The following SASH1 variants were observed in gnomAD, a reference collection of about 807,000 sequenced individuals.
SASH1 encodes SAM and SH3 domain containing 1.
SASH1 carries 44 observed loss-of-function variants against 125.2 expected under a neutral mutation model. The observed-to-expected ratio is 0.35, with a 90% CI of 0.28 to 0.45. The LOEUF (loss-of-function observed/expected upper bound fraction) is 0.45, where lower values mean the gene tolerates loss of function less well. Ranked by LOEUF, SASH1 falls within the 20% of genes least tolerant of loss-of-function variation. SASH1 has a pLI of 1.00. For synonymous variants in SASH1, 639 were observed against 649.1 expected (o/e 0.98, Z 0.24); for missense variants, 1,426 against 1,614.5 (o/e 0.88, Z 2.00).
chr6:148,516,490 G>GCCCCCCCC (rs1780445168), intron 9 of SASH1, among the ~76,000 whole-genome samples: 1 of 114,272 alleles, frequency 8.8e-6, no homozygotes, highest in African/African-American at 3.1e-5. Context: ...GCCAGTAGGC[G>GCCCCCCCC]CCCCCTCCCC....
chr6:148,237,347 A>G, the SASH1 span, among the ~76,000 whole-genome samples: 10,307 of 152,244 alleles, frequency 0.068, 392 homozygotes, highest in Non-Finnish European at 0.088. Context: ...GTTCCAGCAT[A>G]TATTTCATGC....
intron 4 of SASH1, among the ~76,000 whole-genome samples, chr6:148,459,009 C>T (rs1015523998): frequency 1.3e-5 from 2 of 151,116 alleles, no homozygotes; most frequent in Admixed American, 6.6e-5. Flanking sequence ...CACACACACA[C>T]ACACACACAC....
rs1782406399 is a variant in SASH1 at position 148,544,223 on chromosome 6, C to T, written c.2753C>T (p.Ser918Phe). ...TKKLEGSIAA[S>F]GRGLSPPQCL... ...AAACTGGAGGGCTCAATCGCAGCCT[C>T]TGGTCGCGGCCTGTCACCCCCTCAG... The change falls in exon 18 of 20, where the codon TCT (serine) becomes TTT (phenylalanine). Residue 918 changes from serine to phenylalanine, a missense_variant. Coordinates refer to ENST00000367467, the MANE Select transcript of SASH1 (RefSeq NM_015278.5). The surrounding 1 kb of genome is among the most constrained non-coding windows in gnomAD (Gnocchi z 6.4). 6.2e-7 allele frequency: 1 copy of T among 1,614,086 alleles called. No individual in the cohort carries two copies. Among genetic ancestry groups the T allele is most frequent in the African/African-American group, 1.3e-5 (1 of 74,932 alleles).
Position 148,471,402 on chromosome 6 carries a change from T to G in SASH1, c.428-15T>G. 1 of 1,309,794 alleles carries G rather than the reference T, an allele frequency of 7.6e-7. No homozygotes were observed. Among genetic ancestry groups the G allele is most frequent in the Non-Finnish European group, 1.0e-6 (1 of 969,338 alleles). The allele number at this position is 1,309,794 out of a possible 1,614,324, so 81.1% of individuals were successfully genotyped here. A position where few individuals can be genotyped will look rare whatever the true frequency, so the allele number is the denominator to read the frequency against. The stretch of plus-strand genomic sequence containing the variant: ...CTTTTTGTTCTTTTTTTTTTTTTTT[T>G]TTTTTTTTTTTAAGGAAAAGGAGAC... On this transcript the variant is annotated splice_polypyrimidine_tract_variant and intron_variant, in intron 5 of 19. Coordinates refer to ENST00000367467, the MANE Select transcript of SASH1 (RefSeq NM_015278.5).
At chr6:148,218,405 C>T in the SASH1 span, among the ~76,000 whole-genome samples, 5 of 152,118 alleles carry the variant, frequency 3.3e-5, no homozygotes, top group Non-Finnish European at 7.3e-5. Flanking sequence ...AGTTATTTTA[C>T]GCTTCAGTAA....
At position 148,531,592 on chromosome 6, in the gene SASH1, A is replaced by G; in HGVS notation, c.1495A>G (p.Lys499Glu). The G allele has an allele frequency of 6.3e-7, 1 of 1,580,422 alleles. No individual in the cohort carries two copies. The highest frequency in any genetic ancestry group is 8.6e-7 in the Non-Finnish European group (1 of 1,162,846). The change falls in exon 13 of 20, where the codon AAG becomes GAG. Residue 499 changes from lysine (K) to glutamate (E), a missense_variant. This residue lies in a region of SASH1 where 225 missense variants were observed against 344.5 expected (regional missense o/e 0.65). Coordinates refer to ENST00000367467, the MANE Select transcript of SASH1 (RefSeq NM_015278.5). ...ACAGCCCGACCCCGAACACTTGGAC[A>G]AGCCCAAGCTCAAGGCCGGGGGTTC... is the stretch of plus-strand genomic sequence containing the variant. ...PSQPDPEHLD[K>E]PKLKAGGSVE...
intron 1 of SASH1, among the ~76,000 whole-genome samples, chr6:148,303,341 T>C (rs1047698382): frequency 2.0e-5 from 3 of 152,106 alleles, no homozygotes; most frequent in Non-Finnish European, 4.4e-5. Context: ...CATATTCATC[T>C]CAAGCACAAA....
At chr6:148,476,247 TA>T (rs1266056221) in intron 7 of SASH1, among the ~76,000 whole-genome samples, 1 of 26,158 alleles carries the variant, frequency 3.8e-5, no homozygotes, top group African/African-American at 1.9e-4. Flanking sequence ...ATGAAAACAA[TA>T]AAACATTGAT....
intron 16 of SASH1, among the ~76,000 whole-genome samples, chr6:148,537,833 G>GTGTGTGTGTGTGT (rs1781957281): frequency 9.9e-6 from 1 of 100,758 alleles, no homozygotes; most frequent in East Asian, 3.2e-4. Context: ...TGTGTGTGTG[G>GTGTGTGTGTGTGT]TTGGTGAGGC....
chr6:148,279,263 T>A (rs1779272444), intron 1 of SASH1, among the ~76,000 whole-genome samples: 2 of 152,210 alleles, frequency 1.3e-5, no homozygotes, highest in Non-Finnish European at 1.5e-5. Context: ...AGTGCTAGGA[T>A]TACAGACATG....
intron 1 of SASH1, among the ~76,000 whole-genome samples, chr6:148,309,424 G>A (rs1400617907): frequency 6.6e-6 from 1 of 152,110 alleles, no homozygotes; most frequent in Non-Finnish European, 1.5e-5. Context: ...TCAGAATCAA[G>A]ACCTCAGTTA....
chr6:148,193,700 A>G, the SASH1 span, among the ~76,000 whole-genome samples: 1 of 152,244 alleles, frequency 6.6e-6, no homozygotes, highest in South Asian at 2.1e-4. Flanking sequence ...ATAAAATAAG[A>G]TGAAAGGGGA....
intron 4 of SASH1, among the ~76,000 whole-genome samples, chr6:148,457,986 T>C (rs9390570): frequency 0.16 from 23,725 of 152,210 alleles, 2,519 homozygotes; most frequent in East Asian, 0.52. Flanking sequence ...CTCACCCCTG[T>C]TGGCGACACA....
intron 17 of SASH1, 90 bp downstream of exon 17, chr6:148,540,646 C>A: frequency 2.1e-6 from 2 of 939,402 alleles, no homozygotes; most frequent in South Asian, 1.4e-5. Context: ...CTATTCCTGT[C>A]ATGAACTCAG....
At chr6:148,424,245 G>C (rs78345960) in intron 2 of SASH1, among the ~76,000 whole-genome samples, 1 of 140,572 alleles carries the variant, frequency 7.1e-6, no homozygotes, top group Non-Finnish European at 1.5e-5. Flanking sequence ...TTTTTTTTTT[G>C]GGGGGGGGAG....
At chr6:148,523,248 C>A (rs933334217) in intron 10 of SASH1, among the ~76,000 whole-genome samples, 2 of 152,152 alleles carry the variant, frequency 1.3e-5, no homozygotes, top group African/African-American at 2.4e-5. Flanking sequence ...GGGTGCCATA[C>A]CATGTCTGTG....
chr6:148,407,141 A>G (rs1304007384), intron 2 of SASH1, among the ~76,000 whole-genome samples: 3 of 152,150 alleles, frequency 2.0e-5, no homozygotes, highest in Admixed American at 6.5e-5. Flanking sequence ...CAGTGACAGC[A>G]TAATCACATG....
At chr6:148,199,567 G>T in the SASH1 span, among the ~76,000 whole-genome samples, 1 of 151,946 alleles carries the variant, frequency 6.6e-6, no homozygotes. Context: ...ATGTGATGGT[G>T]CACACCTGTA....
In SASH1 at chr6:148,450,770, A is replaced by G. The variant is rs551655482; in HGVS notation, c.386+10363A>G. On this transcript the variant is annotated intron_variant, in intron 4 of 19. Coordinates refer to ENST00000367467, the MANE Select transcript of SASH1 (RefSeq NM_015278.5). ...TTAGCTTGCCTAAATTTCCAGAGCT[A>G]GAGGCAAACATCTCAATCCATTCTG... Among the ~76,000 whole-genome samples the G allele has an allele frequency of 1.3e-4, 20 of 151,708 alleles. No individual in the cohort carries two copies. The South Asian group carries it at 3.3e-3, about 25-fold the overall frequency.
Sources: allele counts gnomAD v4.1 joint callset (sites outside exome capture counted in the v4.1 genomes callset), GRCh38; gene constraint gnomAD v4.1.1; regional missense constraint gnomAD v4.1.1; non-coding constraint Gnocchi (gnomAD v3.1); transcripts MANE v1.5; gene names NCBI Gene and HGNC (gene_info 2026-07-23, HGNC 2026-07-21).